The following DOCK10 variants were observed in gnomAD, a reference collection of about 807,000 sequenced individuals.
DOCK10 encodes dedicator of cytokinesis 10.
A neutral mutation model predicts 280.1 loss-of-function variants in DOCK10; 145 were observed. The ratio of observed to expected loss-of-function variants is 0.52; its 90% CI spans 0.45 to 0.59. The LOEUF (loss-of-function observed/expected upper bound fraction) is 0.59, where lower values mean the gene tolerates loss of function less well. Ranked by LOEUF, DOCK10 falls within the 20% of genes least tolerant of loss-of-function variation. DOCK10 has a pLI of 0.00. For missense variants in DOCK10, 2,368 were observed against 2,651.7 expected (o/e 0.89, Z 2.35); for synonymous variants, 915 against 942.2 (o/e 0.97, Z 0.53).
chr2:224,982,621 C>T (rs560519262), intron 1 of DOCK10: 2 of 633,828 alleles, frequency 3.2e-6, no homozygotes, highest in Non-Finnish European at 3.9e-6. Context: ...CAATTCACAT[C>T]GAGAGCATGT....
chr2:224,893,592 T>C, intron 4 of DOCK10: 3 of 428,136 alleles, frequency 7.0e-6, no homozygotes, highest in Non-Finnish European at 1.4e-5. Context: ...GTGTAAAGGC[T>C]TACATTTTCC....
At chr2:224,947,067 C>T in intron 1 of DOCK10, 2 of 1,402,778 alleles carry the variant, frequency 1.4e-6, no homozygotes, top group African/African-American at 1.5e-5. Context: ...AAGGGAAATG[C>T]TCATGCTACA....
At chr2:224,768,792 A>G (rs1215152720) in intron 55 of DOCK10, 4 of 416,090 alleles carry the variant, frequency 9.6e-6, no homozygotes, top group Non-Finnish European at 1.9e-5. Context: ...AGGTGACTAG[A>G]GAGACTGAAT....
intron 7 of DOCK10, among the ~76,000 whole-genome samples, chr2:224,882,734 T>C (rs1699047790): frequency 6.6e-6 from 1 of 152,212 alleles, no homozygotes; most frequent in Non-Finnish European, 1.5e-5. Flanking sequence ...TTCATAAAAC[T>C]GGTCTGATTC....
intron 29 of DOCK10, 63 bp from the exon 30 acceptor site, chr2:224,816,776 A>G: frequency 1.1e-6 from 1 of 912,850 alleles, no homozygotes; most frequent in Non-Finnish European, 1.7e-6. Flanking sequence ...AAAAACAAAC[A>G]AACAAAATCT....
intron 1 of DOCK10, among the ~76,000 whole-genome samples, chr2:224,941,083 T>G (rs1486683215): frequency 6.6e-6 from 1 of 152,140 alleles, no homozygotes; most frequent in African/African-American, 2.4e-5. Flanking sequence ...ATGCCAATAA[T>G]GGTTATTATT....
chr2:224,983,833 A>T, intron 1 of DOCK10: 1 of 471,116 alleles, frequency 2.1e-6, no homozygotes, highest in Non-Finnish European at 4.4e-6. Flanking sequence ...AAGAAAAAAA[A>T]TGCTAATGAT....
intron 1 of DOCK10, among the ~76,000 whole-genome samples, chr2:224,995,415 G>A (rs966570042): frequency 6.6e-6 from 1 of 152,178 alleles, no homozygotes; most frequent in African/African-American, 2.4e-5. Context: ...ATCATCTAAT[G>A]TCAACACATA....
intron 7 of DOCK10, among the ~76,000 whole-genome samples, chr2:224,880,137 A>T (rs1698894469): frequency 6.6e-6 from 1 of 152,256 alleles, no homozygotes. Context: ...CAAATGAATT[A>T]AATATGATTG....
At chr2:224,872,263 G>A (rs771564326) in intron 11 of DOCK10, among the ~76,000 whole-genome samples, 1 of 152,216 alleles carries the variant, frequency 6.6e-6, no homozygotes, top group Non-Finnish European at 1.5e-5. Flanking sequence ...TTAGATGACA[G>A]TTAAGTATTT....
chr2:224,936,227 C>A (rs1219890447), intron 1 of DOCK10, among the ~76,000 whole-genome samples: 1 of 152,174 alleles, frequency 6.6e-6, no homozygotes, highest in Non-Finnish European at 1.5e-5. Context: ...CTAAACACTT[C>A]AATTCTTCAG....
At position 224,814,329 on chromosome 2, in the gene DOCK10, G is replaced by A. The variant is rs1693981978; in HGVS notation, c.3400C>T (p.His1134Tyr). The A allele has an allele frequency of 6.5e-7, 1 of 1,532,672 alleles. No homozygotes were observed. The allele number at this position is 1,532,672 out of a possible 1,614,324, so 94.9% of individuals were successfully genotyped here. ...AGGTAATATCACTTACCTGATGCAT[G>A]TAACTCTTGAGTCGATTCTGAAGGT... ...LTPSESTQELHASDMPEYSVT... is the reference protein window; with the variant it reads ...LTPSESTQELYASDMPEYSVT... The change falls in exon 31 of 56, where the codon CAT becomes TAT. Residue 1134 changes from histidine (H) to tyrosine (Y), a missense_variant. This residue lies in a region of DOCK10 where 1,159 missense variants were observed against 1,400.8 expected (regional missense o/e 0.83). Coordinates refer to ENST00000258390, the MANE Select transcript of DOCK10 (RefSeq NM_014689.3).
intron 15 of DOCK10, among the ~76,000 whole-genome samples, chr2:224,856,190 G>A (rs942376049): frequency 6.6e-6 from 1 of 152,222 alleles, no homozygotes; most frequent in African/African-American, 2.4e-5. Flanking sequence ...AGGCTGACAT[G>A]AATAATTTAA....
At chr2:224,972,173 C>T (rs1036639479) in intron 1 of DOCK10, among the ~76,000 whole-genome samples, 1 of 152,166 alleles carries the variant, frequency 6.6e-6, no homozygotes, top group African/African-American at 2.4e-5. Flanking sequence ...AAGTGACTAT[C>T]AGAATTGGAA....
chr2:224,856,408 C>T (rs7605551), intron 15 of DOCK10, among the ~76,000 whole-genome samples: 27,927 of 152,042 alleles, frequency 0.18, 4,370 homozygotes, highest in African/African-American at 0.43. Flanking sequence ...GAGGAAAGGC[C>T]GGGCCTTAGG....
At chr2:224,928,491 A>G (rs1488112455) in intron 2 of DOCK10, among the ~76,000 whole-genome samples, 1 of 152,192 alleles carries the variant, frequency 6.6e-6, no homozygotes, top group Non-Finnish European at 1.5e-5. Context: ...CATAAAAACC[A>G]TTCTTAGCTC....
intron 14 of DOCK10, 23 bp downstream of exon 14, chr2:224,862,641 G>A (rs372740073): frequency 6.3e-7 from 1 of 1,595,178 alleles, no homozygotes; most frequent in South Asian, 1.1e-5. Flanking sequence ...TTTCTAGTCT[G>A]TTGGCTGCAA....
chr2:224,932,250 T>C (rs1238051774), intron 1 of DOCK10, among the ~76,000 whole-genome samples: 2 of 152,170 alleles, frequency 1.3e-5, no homozygotes, highest in Non-Finnish European at 2.9e-5. Context: ...AGGACTATTA[T>C]GGATGCAGTG....
intron 29 of DOCK10, among the ~76,000 whole-genome samples, chr2:224,817,370 C>A (rs1228823478): frequency 6.6e-6 from 1 of 152,200 alleles, no homozygotes; most frequent in East Asian, 1.9e-4. Context: ...TATTTTTACT[C>A]TCATGCATGC....
Sources: allele counts gnomAD v4.1 joint callset (sites outside exome capture counted in the v4.1 genomes callset), GRCh38; gene constraint gnomAD v4.1.1; regional missense constraint gnomAD v4.1.1; transcripts MANE v1.5; gene names NCBI Gene and HGNC (gene_info 2026-07-23, HGNC 2026-07-21).